LRP1B: variants seen among roughly 807,000 people sequenced by gnomAD.
LRP1B encodes the protein LDL receptor related protein 1B.
Under a neutral mutation model 556.6 loss-of-function variants are expected in LRP1B, and 217 were observed. The ratio of observed to expected loss-of-function variants is 0.39; its 90% CI spans 0.35 to 0.44. The LOEUF is 0.44. Among genes scored for constraint, LRP1B ranks in the 20% least tolerant of loss-of-function variants. The pLI, the probability that LRP1B is intolerant of heterozygous loss-of-function variation, is 1.00. For missense variants in LRP1B, 5,053 were observed against 5,620.8 expected, an observed-to-expected ratio of 0.90 and a Z score of 3.23; for synonymous variants, 2,047 against 1,865.8, an observed-to-expected ratio of 1.10 and a Z score of -2.50.
In LRP1B at chr2:140,551,931, A is replaced by G. The variant is rs111774709; in HGVS notation, c.7195-9960T>C. Among the ~76,000 whole-genome samples, 716 of 152,286 alleles carry G rather than the reference A, an allele frequency of 4.7e-3. 7 individuals carry two copies. Among genetic ancestry groups the G allele is most frequent in the African/African-American group, 0.017 (688 of 41,564 alleles). ...TCATGTGCAATACATAATTTAATCT[A>G]CATAATAACCCCTGTGATAGATACT... On this transcript the variant is annotated intron_variant, in intron 43 of 90. Transcript: ENST00000389484.
chr2:140,674,636 T>G (rs532052633), intron 41 of LRP1B, among the ~76,000 whole-genome samples: 1 of 152,346 alleles, frequency 6.6e-6, no homozygotes, highest in East Asian at 1.9e-4. Flanking sequence ...CATGTGTTGA[T>G]TGATGTCTTA....
chr2:140,724,119 T>C (rs1259193911), intron 35 of LRP1B, among the ~76,000 whole-genome samples: 1 of 152,170 alleles, frequency 6.6e-6, no homozygotes, highest in African/African-American at 2.4e-5. Context: ...TGTGCAAATT[T>C]TGTAGATAAA....
At chr2:141,608,490 C>T (rs1363939337) in intron 2 of LRP1B, among the ~76,000 whole-genome samples, 3 of 152,106 alleles carry the variant, frequency 2.0e-5, no homozygotes, top group African/African-American at 7.2e-5. Context: ...ATCCAGGTCA[C>T]CATTGTCCAA....
intron 46 of LRP1B, among the ~76,000 whole-genome samples, chr2:140,534,736 C>T (rs1690871529): frequency 6.6e-6 from 1 of 152,158 alleles, no homozygotes; most frequent in Non-Finnish European, 1.5e-5. Flanking sequence ...GAAGCTACCA[C>T]TTACAATAAT....
At position 141,568,627 on chromosome 2, in the gene LRP1B, T is replaced by G. The variant is rs1458598472; in HGVS notation, c.206-88094A>C. ...TTGATATCCATGATATGGAATAGGC[T>G]GAGAAATATATAAATACTTGGACAA... On this transcript the variant is annotated intron_variant, in intron 2 of 90. Transcript: ENST00000389484. Among the ~76,000 whole-genome samples the G allele has an allele frequency of 2.0e-5, 3 of 151,414 alleles. 1 individual carries two copies. The South Asian group carries it at 6.3e-4, about 32-fold the overall frequency.
At chr2:141,577,355 G>C (rs1686789529) in intron 2 of LRP1B, among the ~76,000 whole-genome samples, 1 of 152,130 alleles carries the variant, frequency 6.6e-6, no homozygotes, top group Admixed American at 6.5e-5. Context: ...CCAAATCAAG[G>C]GTGATTTCTG....
At chr2:141,327,245 T>A (rs1443314144) in intron 3 of LRP1B, among the ~76,000 whole-genome samples, 1 of 152,134 alleles carries the variant, frequency 6.6e-6, no homozygotes, top group South Asian at 2.1e-4. Flanking sequence ...GAAGGACATA[T>A]GGAGTTTACC....
intron 43 of LRP1B, among the ~76,000 whole-genome samples, chr2:140,557,680 A>G (rs1249766525): frequency 6.6e-6 from 1 of 152,154 alleles, no homozygotes; most frequent in African/African-American, 2.4e-5. Context: ...ATGTCTTTGT[A>G]TTGGCTGTTC....
intron 86 of LRP1B, among the ~76,000 whole-genome samples, chr2:140,268,789 C>G (rs982604736): frequency 1.3e-5 from 2 of 151,690 alleles, no homozygotes; most frequent in Non-Finnish European, 2.9e-5. Context: ...GGAAATTTTT[C>G]AGACTGTAAA....
At chr2:140,636,975 C>T (rs892218997) in intron 41 of LRP1B, among the ~76,000 whole-genome samples, 17 of 152,130 alleles carry the variant, frequency 1.1e-4, no homozygotes, top group African/African-American at 4.1e-4. Flanking sequence ...AGCCAAATAT[C>T]TTGTGGGAAA....
At chr2:141,363,515 C>T (rs1490825527) in intron 3 of LRP1B, among the ~76,000 whole-genome samples, 1 of 152,040 alleles carries the variant, frequency 6.6e-6, no homozygotes, top group Non-Finnish European at 1.5e-5. Context: ...CCTAGATCTA[C>T]CATGTTGTCT....
chr2:140,285,016 G>A (rs1053636815), intron 84 of LRP1B, among the ~76,000 whole-genome samples: 1 of 144,482 alleles, frequency 6.9e-6, no homozygotes, highest in Non-Finnish European at 1.5e-5. Context: ...ATCTCTCTGT[G>A]TGTGTGTGTG....
At chr2:142,067,121 G>A (rs1705135367) in intron 1 of LRP1B, among the ~76,000 whole-genome samples, 1 of 151,188 alleles carries the variant, frequency 6.6e-6, no homozygotes, top group Non-Finnish European at 1.5e-5. Flanking sequence ...ATCAAATCTG[G>A]TTCTCTTCTT....
intron 35 of LRP1B, among the ~76,000 whole-genome samples, chr2:140,731,431 A>G (rs942434692): frequency 7.9e-5 from 12 of 152,236 alleles, no homozygotes; most frequent in Admixed American, 4.6e-4. Flanking sequence ...AGAGCAAAGA[A>G]GAGTAAAAGA....
chr2:141,930,042 C>CTT (rs1016457051), intron 1 of LRP1B, among the ~76,000 whole-genome samples: 6 of 150,738 alleles, frequency 4.0e-5, no homozygotes, highest in Non-Finnish European at 7.4e-5. Context: ...CAAATGAGGA[C>CTT]TTAATCATTT....
intron 7 of LRP1B, among the ~76,000 whole-genome samples, chr2:141,132,181 T>C (rs937938896): frequency 6.6e-6 from 1 of 152,022 alleles, no homozygotes; most frequent in South Asian, 2.1e-4. Context: ...TCAAAACTCA[T>C]GATGAAATTT....
intron 11 of LRP1B, among the ~76,000 whole-genome samples, chr2:141,042,271 C>A (rs1282865511): frequency 2.6e-5 from 4 of 151,938 alleles, no homozygotes; most frequent in African/African-American, 7.3e-5. Flanking sequence ...CTGGAGCAAT[C>A]AACAGGCATG....
chr2:140,514,068 C>T (rs115227237), intron 51 of LRP1B, among the ~76,000 whole-genome samples: 2,391 of 152,048 alleles, frequency 0.016, 58 homozygotes, highest in African/African-American at 0.052. Flanking sequence ...ACAAAGCAAT[C>T]ATACTGGGCT....
rs1020032696 is a variant in LRP1B at position 142,002,687 on chromosome 2, T to C, written c.82+127961A>G. ...TACCTGAGTTCAATCAAGAGTCCTATAAAAAGTGAGCGTCAATTGTGCGGC... is the reference window on the plus strand; with the variant it reads ...TACCTGAGTTCAATCAAGAGTCCTACAAAAAGTGAGCGTCAATTGTGCGGC... On this transcript the variant is annotated intron_variant, in intron 1 of 90. Coordinates refer to ENST00000389484, the MANE Select transcript of LRP1B (RefSeq NM_018557.3). Among the ~76,000 whole-genome samples the C allele has an allele frequency of 2.0e-5, 3 of 151,988 alleles. No individual in the cohort carries two copies. In the South Asian group the frequency reaches 6.2e-4, roughly 32 times the overall value.
Sources: allele counts gnomAD v4.1 joint callset (sites outside exome capture counted in the v4.1 genomes callset), GRCh38; gene constraint gnomAD v4.1.1; transcripts MANE v1.5; gene names NCBI Gene and HGNC (gene_info 2026-07-23, HGNC 2026-07-21).